The following CSMD3 variants were observed in gnomAD, a reference collection of about 807,000 sequenced individuals.
CSMD3 encodes the protein CUB and Sushi multiple domains 3.
A neutral mutation model predicts 435.2 loss-of-function variants in CSMD3; 177 were observed. The ratio of observed to expected loss-of-function variants is 0.41; its 90% confidence interval spans 0.36 to 0.46. CSMD3 has a LOEUF of 0.46. Among genes scored for constraint, CSMD3 ranks in the 20% least tolerant of loss-of-function variants. The pLI is 0.34. For synonymous variants in CSMD3, 1,656 were observed against 1,520.5 expected, an observed-to-expected ratio of 1.09 and a Z score of -2.07; for missense variants, 4,265 against 4,504.6, an observed-to-expected ratio of 0.95 and a Z score of 1.52.
At chr8:112,827,160 CATAA>C (rs1203748702) in intron 12 of CSMD3, among the ~76,000 whole-genome samples, 737 of 38,626 alleles carry the variant, frequency 0.019, 54 homozygotes, top group African/African-American at 0.027. Flanking sequence ...ACTAGGTTAC[CATAA>C]ATATATATAT....
At chr8:112,707,133 A>G (rs894322824) in intron 13 of CSMD3, among the ~76,000 whole-genome samples, 1 of 152,086 alleles carries the variant, frequency 6.6e-6, no homozygotes, top group African/African-American at 2.4e-5. Context: ...CCTTAACTGC[A>G]TACAGCCCAA....
At chr8:112,318,991 GTGA>G (rs1320898388) in intron 46 of CSMD3, 41 bp from the exon 47 acceptor site, 3 of 1,106,102 alleles carry the variant, frequency 2.7e-6, no homozygotes. Flanking sequence ...AAGCAACAAG[GTGA>G]TGATAAAAAT....
rs1216319731 is a variant in CSMD3, at chr8:112,556,898, T to C, written c.4099A>G (p.Ser1367Gly). Residue 1367 changes from serine to glycine, a missense_variant, in exon 25 of 71, where the codon AGT becomes GGT. Transcript: ENST00000297405. ...CTACCAGCAAAGTGGCCTTGGTCAC[T>C]GATCTTGTATCCAAATTGTGGAATG... is the stretch of plus-strand genomic sequence containing the variant. ...PGIPQFGYKI[S>G]DQGHFAGSTI... is the part of the protein sequence containing the mutation. 6.2e-7 allele frequency: 1 copy of C among 1,612,216 alleles called. No individual in the cohort carries two copies. The highest frequency in any genetic ancestry group is 1.3e-5 in the African/African-American group (1 of 74,924).
intron 5 of CSMD3, among the ~76,000 whole-genome samples, chr8:113,025,460 C>T (rs1480454): frequency 6.6e-6 from 1 of 151,914 alleles, no homozygotes; most frequent in Non-Finnish European, 1.5e-5. Flanking sequence ...TTTCAGACTA[C>T]GCATACTTGG....
chr8:113,397,173 T>A (rs951835023), intron 1 of CSMD3, among the ~76,000 whole-genome samples: 17 of 152,178 alleles, frequency 1.1e-4, no homozygotes, highest in Non-Finnish European at 1.8e-4. Context: ...ACTAGCCTAA[T>A]GGTAGATTTT....
At chr8:112,960,202 T>C (rs563336698) in intron 7 of CSMD3, among the ~76,000 whole-genome samples, 40 of 151,634 alleles carry the variant, frequency 2.6e-4, no homozygotes, top group African/African-American at 9.6e-4. Context: ...TTTTTCTACA[T>C]CCTGTACTGG....
intron 4 of CSMD3, among the ~76,000 whole-genome samples, chr8:113,147,856 T>C (rs930107915): frequency 6.6e-6 from 1 of 151,678 alleles, no homozygotes; most frequent in Non-Finnish European, 1.5e-5. Context: ...CCTTCCTAAT[T>C]ATATCTCAAA....
At chr8:112,445,013 G>A (rs756635507) in intron 32 of CSMD3, among the ~76,000 whole-genome samples, 2 of 152,172 alleles carry the variant, frequency 1.3e-5, no homozygotes, top group Admixed American at 6.5e-5. Flanking sequence ...GAGGCCGAAG[G>A]GGGCAGATCA....
chr8:112,558,519 T>C (rs1388889940), intron 24 of CSMD3, among the ~76,000 whole-genome samples: 1 of 151,920 alleles, frequency 6.6e-6, no homozygotes. Flanking sequence ...TTTGGGTCTT[T>C]ATTTCTGAAG....
At chr8:113,212,919 A>G (rs954539302) in intron 3 of CSMD3, among the ~76,000 whole-genome samples, 4 of 149,826 alleles carry the variant, frequency 2.7e-5, no homozygotes, top group African/African-American at 7.3e-5. Context: ...AAAAAAAAAA[A>G]AGAAAATCAA....
rs1400314261 is a variant in CSMD3, at chr8:112,597,636, G to A, written c.3716-10401C>T. On this transcript the variant is annotated intron_variant, in intron 22 of 70. Coordinates refer to ENST00000297405, the MANE Select transcript of CSMD3 (RefSeq NM_198123.2). ...ATCCTCAATAAAATACTGGCAAACC[G>A]AATCCAGTAGCACATCGAAAAGCTT... 1.3e-4 allele frequency among the ~76,000 whole-genome samples: 15 copies of A among 119,850 alleles called. 1 individual carries two copies. In the South Asian group the frequency reaches 2.0e-3, roughly 16 times the overall value. 78.6% of individuals were successfully genotyped at this position (119,850 alleles called of 152,430 possible).
intron 5 of CSMD3, among the ~76,000 whole-genome samples, chr8:113,048,981 A>G (rs897789906): frequency 6.6e-6 from 1 of 152,036 alleles, no homozygotes; most frequent in African/African-American, 2.4e-5. Flanking sequence ...AGGCCGGCCT[A>G]TAATCCCAGC....
chr8:112,781,994 T>C (rs760046614), intron 13 of CSMD3, among the ~76,000 whole-genome samples: 36 of 152,108 alleles, frequency 2.4e-4, no homozygotes, highest in Non-Finnish European at 4.4e-4. Flanking sequence ...GCCCAGACTG[T>C]GAAGATTGCA....
chr8:113,091,848 T>C (rs2090013931), intron 5 of CSMD3, among the ~76,000 whole-genome samples: 1 of 152,046 alleles, frequency 6.6e-6, no homozygotes, highest in South Asian at 2.1e-4. Context: ...CTTGCTTTCA[T>C]AGTTCTTTAA....
chr8:112,925,313 C>T (rs1378379345), intron 9 of CSMD3, among the ~76,000 whole-genome samples: 4 of 151,790 alleles, frequency 2.6e-5, no homozygotes, highest in South Asian at 2.1e-4. Flanking sequence ...AAATATTTTC[C>T]TCTGGGAGGC....
chr8:113,379,344 A>C (rs2094404833), intron 1 of CSMD3, among the ~76,000 whole-genome samples: 1 of 152,212 alleles, frequency 6.6e-6, no homozygotes, highest in Non-Finnish European at 1.5e-5. Context: ...TAATAGTATA[A>C]AATAAAACTA....
intron 38 of CSMD3, among the ~76,000 whole-genome samples, chr8:112,366,525 G>A (rs1017823603): frequency 6.6e-6 from 1 of 152,282 alleles, no homozygotes; most frequent in East Asian, 1.9e-4. Context: ...AGCCTCCTGA[G>A]TAGTTGGGAT....
At chr8:113,205,227 C>T (rs756382582) in intron 3 of CSMD3, among the ~76,000 whole-genome samples, 5 of 152,124 alleles carry the variant, frequency 3.3e-5, no homozygotes, top group Admixed American at 6.6e-5. Flanking sequence ...AGGTGATCCA[C>T]GTGCCTGGGC....
intron 2 of CSMD3, among the ~76,000 whole-genome samples, chr8:113,282,240 A>G (rs1402608385): frequency 6.6e-6 from 1 of 152,030 alleles, no homozygotes; most frequent in African/African-American, 2.4e-5. Context: ...ATCAGACAAG[A>G]GAAAGAAACA....
Sources: allele counts gnomAD v4.1 joint callset (sites outside exome capture counted in the v4.1 genomes callset), GRCh38; gene constraint gnomAD v4.1.1; transcripts MANE v1.5; gene names NCBI Gene and HGNC (gene_info 2026-07-23, HGNC 2026-07-21).